Variants in TBC1D2B observed in about 807,000 individuals in gnomAD.
TBC1D2B encodes the protein TBC1 domain family member 2B.
In TBC1D2B, 64 loss-of-function variants were observed where a neutral mutation model predicts 100.8. The observed-to-expected ratio is 0.64, with a 90% confidence interval of 0.52 to 0.78. The LOEUF (loss-of-function observed/expected upper bound fraction) is 0.78, where lower values mean the gene tolerates loss of function less well. TBC1D2B is among the 30% of genes least tolerant of loss of function. The pLI, the probability that TBC1D2B is intolerant of heterozygous loss-of-function variation, is 0.00. For missense variants in TBC1D2B, 1,052 were observed against 1,218.4 expected, an observed-to-expected ratio of 0.86 and a Z score of 2.03; for synonymous variants, 480 against 479.7, an observed-to-expected ratio of 1.00 and a Z score of -0.01.
intron 3 of TBC1D2B, among the ~76,000 whole-genome samples, chr15:78,041,788 C>T (rs2073098795): frequency 6.6e-6 from 1 of 152,234 alleles, no homozygotes; most frequent in Admixed American, 6.5e-5. Flanking sequence ...CCAAAAACCT[C>T]TGTGAAGAAT....
chr15:78,025,613 G>A (rs943607826), intron 4 of TBC1D2B, 116 bp from the exon 5 acceptor site: 44 of 709,258 alleles, frequency 6.2e-5, no homozygotes, highest in Admixed American at 9.9e-5. Context: ...TGTAAGCTCC[G>A]CCTCCCAGGT....
intron 1 of TBC1D2B, among the ~76,000 whole-genome samples, chr15:78,066,966 A>G (rs1681703650): frequency 6.6e-6 from 1 of 152,252 alleles, no homozygotes; most frequent in Admixed American, 6.5e-5. Flanking sequence ...CCATGTGACT[A>G]AACTTCTTAA....
At chr15:78,032,612 CT>C (rs894588448) in intron 3 of TBC1D2B, among the ~76,000 whole-genome samples, 38 of 150,984 alleles carry the variant, frequency 2.5e-4, no homozygotes, top group Non-Finnish European at 4.4e-4. Context: ...TAACTGTATT[CT>C]TTATGTTCTA....
In TBC1D2B at chr15:77,999,334, T is replaced by C. The variant is rs1485181992; in HGVS notation, c.2697-979A>G. ...TGCCGTCGGCTGCGTGGGCTCCTTT[T>C]AACACAAGGCACACACGAGGGTGCA... On this transcript the variant is annotated intron_variant, in intron 12 of 12. Coordinates refer to ENST00000300584, the MANE Select transcript of TBC1D2B (RefSeq NM_144572.2). 6.6e-5 allele frequency: 30 copies of C among 454,786 alleles called. No homozygotes were observed. In the Admixed American group the frequency reaches 7.1e-4, roughly 11 times the overall value. The allele number at this position is 454,786 out of a possible 1,614,324, so 28.2% of individuals were successfully genotyped here.
At chr15:78,064,373 C>A (rs767711150) in intron 1 of TBC1D2B, among the ~76,000 whole-genome samples, 9 of 152,096 alleles carry the variant, frequency 5.9e-5, no homozygotes, top group African/African-American at 9.7e-5. Context: ...CCAACAATCA[C>A]GAAGGAGCCA....
chr15:78,039,974 G>C (rs2073037265), intron 3 of TBC1D2B, among the ~76,000 whole-genome samples: 1 of 152,212 alleles, frequency 6.6e-6, no homozygotes, highest in Non-Finnish European at 1.5e-5. Flanking sequence ...GCCCAGCCTA[G>C]CACCCAGAGA....
chr15:78,025,007 C>A (rs1265937162), intron 5 of TBC1D2B, among the ~76,000 whole-genome samples: 3 of 152,212 alleles, frequency 2.0e-5, no homozygotes, highest in Non-Finnish European at 4.4e-5. Flanking sequence ...GTGGTGCAGA[C>A]AGCAACCTCC....
intron 1 of TBC1D2B, among the ~76,000 whole-genome samples, chr15:78,056,189 C>T (rs2073418405): frequency 6.6e-6 from 1 of 152,138 alleles, no homozygotes. Flanking sequence ...TACAGGAGAA[C>T]TTGGTCTTAA....
chr15:78,061,527 T>C (rs2141826828), intron 1 of TBC1D2B, among the ~76,000 whole-genome samples: 1 of 151,346 alleles, frequency 6.6e-6, no homozygotes, highest in East Asian at 1.9e-4. Flanking sequence ...GAGCCATAAC[T>C]GTACCACTGT....
chr15:78,002,950 T>G, intron 11 of TBC1D2B: 2 of 178,598 alleles, frequency 1.1e-5, no homozygotes, highest in Non-Finnish European at 2.4e-5. Flanking sequence ...GTCCCCCTCA[T>G]TAGCCCCCCT....
At chr15:78,046,963 A>G (rs1245519431) in intron 2 of TBC1D2B, among the ~76,000 whole-genome samples, 3 of 152,118 alleles carry the variant, frequency 2.0e-5, no homozygotes, top group South Asian at 2.1e-4. Context: ...CTTGACCACA[A>G]TCAGTGTAGG....
chr15:78,031,205 T>G (rs1020137750), intron 3 of TBC1D2B, among the ~76,000 whole-genome samples: 8 of 152,170 alleles, frequency 5.3e-5, no homozygotes, highest in African/African-American at 1.2e-4. Context: ...AAATTACAAT[T>G]ATCAAATACA....
chr15:78,060,329 C>G (rs2073516545), intron 1 of TBC1D2B, among the ~76,000 whole-genome samples: 1 of 152,260 alleles, frequency 6.6e-6, no homozygotes, highest in African/African-American at 2.4e-5. Flanking sequence ...ACATAAAATG[C>G]CTAGGTATCC....
intron 9 of TBC1D2B, among the ~76,000 whole-genome samples, chr15:78,011,313 C>G (rs988843092): frequency 6.6e-6 from 1 of 152,082 alleles, no homozygotes. Context: ...AAATAGAAAA[C>G]CCTTACCTGG....
rs1171750139 is a variant in TBC1D2B at position 77,997,805 on chromosome 15, G to C, written c.*355C>G. The C allele has an allele frequency of 9.9e-5, 19 of 192,256 alleles. No homozygotes were observed. The Admixed American group carries it at 1.1e-3, about 11-fold the overall frequency. 11.9% of individuals were successfully genotyped at this position (192,256 alleles called of 1,614,324 possible). On this transcript the variant is annotated 3_prime_UTR_variant, in exon 13 of 13. Transcript: ENST00000300584. The stretch of plus-strand genomic sequence containing the variant: ...CACTATGTACAGGAGAGAGAATATG[G>C]GGAGATGCCCAGCAAAGCAAGGTTT...
intron 9 of TBC1D2B, among the ~76,000 whole-genome samples, chr15:78,011,343 A>C (rs1314487816): frequency 6.6e-6 from 1 of 152,202 alleles, no homozygotes; most frequent in Non-Finnish European, 1.5e-5. Flanking sequence ...CCTGGCATGG[A>C]GCAGGAGCAA....
At chr15:78,021,141 T>C (rs1040602860) in intron 6 of TBC1D2B, among the ~76,000 whole-genome samples, 1 of 152,060 alleles carries the variant, frequency 6.6e-6, no homozygotes, top group African/African-American at 2.4e-5. Flanking sequence ...CGGAATACTA[T>C]AGAAACAAAA....
At position 78,062,875 on chromosome 15, in the gene TBC1D2B, G is replaced by T. The variant is rs781436154; in HGVS notation, c.361-8688C>A. Among the ~76,000 whole-genome samples, 9 of 152,096 alleles carry T rather than the reference G, an allele frequency of 5.9e-5. 1 individual carries two copies. Among genetic ancestry groups the T allele is most frequent in the Non-Finnish European group, 7.3e-5 (5 of 68,028 alleles). ...TCTCCCCAAACAGTATCATCTGCTTGCCCATGGACCCTGGAGCCTAACTAC... is the reference window on the plus strand; with the variant it reads ...TCTCCCCAAACAGTATCATCTGCTTTCCCATGGACCCTGGAGCCTAACTAC... On this transcript the variant is annotated intron_variant, in intron 1 of 12. Coordinates refer to ENST00000300584, the MANE Select transcript of TBC1D2B (RefSeq NM_144572.2).
intron 4 of TBC1D2B, among the ~76,000 whole-genome samples, chr15:78,026,161 T>G (rs2072663756): frequency 6.6e-6 from 1 of 152,080 alleles, no homozygotes; most frequent in Non-Finnish European, 1.5e-5. Context: ...GTTTTTTTTT[T>G]TTTAACATAC....
Sources: gnomAD v4.1 joint callset for allele counts (sites outside exome capture counted in the v4.1 genomes callset) on GRCh38, gnomAD v4.1.1 for gene constraint, MANE v1.5 for transcripts, NCBI Gene and HGNC (gene_info 2026-07-23, HGNC 2026-07-21) for gene names.